DENND6A: variants seen among roughly 807,000 people sequenced by gnomAD.
DENND6A encodes protein DENND6A.
DENND6A carries 43 observed loss-of-function variants against 95.5 expected under a neutral mutation model. The observed-to-expected ratio is 0.45, with a 90% CI of 0.35 to 0.58. DENND6A has a LOEUF of 0.58. Among genes scored for constraint, DENND6A ranks in the 20% least tolerant of loss-of-function variants. DENND6A has a pLI of 0.00. For synonymous variants in DENND6A, 257 were observed against 260.4 expected (o/e 0.99, Z 0.13); for missense variants, 574 against 736.0 (o/e 0.78, Z 2.55).
At chr3:57,692,248 A>C (rs1264351842) in intron 1 of DENND6A, among the ~76,000 whole-genome samples, 1 of 151,692 alleles carries the variant, frequency 6.6e-6, no homozygotes, top group Non-Finnish European at 1.5e-5. Flanking sequence ...AAAAAAAAAA[A>C]AACAGAAATG....
chr3:57,671,263 G>A (rs779064534), intron 3 of DENND6A, among the ~76,000 whole-genome samples: 6 of 152,148 alleles, frequency 3.9e-5, no homozygotes, highest in African/African-American at 1.2e-4. Flanking sequence ...GGTGGCTCAC[G>A]CCTGTAATCC....
At position 57,662,185 on chromosome 3, in the gene DENND6A, C is replaced by CTTTTTTTTTTTTTT. The variant is rs60063768; in HGVS notation, c.514-648_514-635dup. ...TTTTTGTTTCTTTCTTTTCTTTTTT[C>CTTTTTTTTTTTTTT]TTTTTTTTTTTTTTTTTTTTTTTGA... is the stretch of plus-strand genomic sequence containing the variant. On this transcript the variant is annotated intron_variant, in intron 5 of 19. Coordinates refer to ENST00000311128, the MANE Select transcript of DENND6A (RefSeq NM_152678.3). 5.9e-3 allele frequency among the ~76,000 whole-genome samples: 469 copies of CTTTTTTTTTTTTTT among 79,126 alleles called. 5 individuals carry two copies. Among genetic ancestry groups the CTTTTTTTTTTTTTT allele is most frequent in the East Asian group, 8.4e-3 (19 of 2,254 alleles). The allele number at this position is 79,126 out of a possible 152,430, so 51.9% of individuals were successfully genotyped here. A position where few individuals can be genotyped will look rare whatever the true frequency, so the allele number is the denominator to read the frequency against.
intron 1 of DENND6A, among the ~76,000 whole-genome samples, chr3:57,691,928 T>A (rs373787697): frequency 1.3e-5 from 2 of 150,510 alleles, no homozygotes; most frequent in South Asian, 4.2e-4. Flanking sequence ...AGAGGCAACA[T>A]AAAAAAAAAT....
intron 1 of DENND6A, among the ~76,000 whole-genome samples, chr3:57,684,710 G>A (rs1653995218): frequency 6.6e-6 from 1 of 152,170 alleles, no homozygotes; most frequent in African/African-American, 2.4e-5. Flanking sequence ...TTGAGCCTGG[G>A]AGGTCCAGGC....
rs1414510479 is a variant in DENND6A, at chr3:57,678,456, G to A, written c.238-6018C>T. Among the ~76,000 whole-genome samples, 6 of 152,182 alleles carry A rather than the reference G, an allele frequency of 3.9e-5. No individual in the cohort carries two copies. In the South Asian group the frequency reaches 1.0e-3, roughly 26 times the overall value. On this transcript the variant is annotated intron_variant, in intron 1 of 19. Transcript: ENST00000311128. The stretch of plus-strand genomic sequence containing the variant: ...TAAGATTTTTTTTTCCAGGCAATTG[G>A]GGAGATAAGAAATACAGTTGGGGCT...
chr3:57,663,955 CTTAAAA>C (rs1388537884), intron 4 of DENND6A, among the ~76,000 whole-genome samples: 1 of 152,082 alleles, frequency 6.6e-6, no homozygotes, highest in East Asian at 1.9e-4. Flanking sequence ...TGTGTAAAAG[CTTAAAA>C]TTAAAACAAA....
rs989283546 is a variant in DENND6A, at chr3:57,628,208, C to G, written c.*6G>C. 4 of 1,609,184 alleles carry G rather than the reference C, an allele frequency of 2.5e-6. No individual in the cohort carries two copies. The highest frequency in any genetic ancestry group is 1.3e-5 in the African/African-American group (1 of 74,824). ...ATCCTTTTTGGCTGGAAAATCTTGG[C>G]AAATATCATGTCATGCCCGTTTTGA... On this transcript the variant is annotated 3_prime_UTR_variant, in exon 20 of 20. Coordinates refer to ENST00000311128, the MANE Select transcript of DENND6A (RefSeq NM_152678.3).
chr3:57,635,770 CT>C (rs1338981002), intron 12 of DENND6A, among the ~76,000 whole-genome samples: 1 of 152,088 alleles, frequency 6.6e-6, no homozygotes, highest in Non-Finnish European at 1.5e-5. Flanking sequence ...AAACTTTTTA[CT>C]TTGAAGTACA....
chr3:57,689,940 T>C (rs1385752702), intron 1 of DENND6A, among the ~76,000 whole-genome samples: 1 of 151,752 alleles, frequency 6.6e-6, no homozygotes, highest in Non-Finnish European at 1.5e-5. Flanking sequence ...GGTGCATGTC[T>C]GTATTCATAG....
chr3:57,669,395 A>G (rs1392443188), intron 3 of DENND6A, among the ~76,000 whole-genome samples: 1 of 152,138 alleles, frequency 6.6e-6, no homozygotes, highest in African/African-American at 2.4e-5. Flanking sequence ...TGTGCAGCAC[A>G]TAAAAAAAGC....
In DENND6A at chr3:57,692,806, G is replaced by C; in HGVS notation, c.213C>G (p.Asp71Glu). 1 of 1,560,646 alleles carries C rather than the reference G, an allele frequency of 6.4e-7. No homozygotes were observed. The highest frequency in any genetic ancestry group is 8.6e-7 in the Non-Finnish European group (1 of 1,157,888). ...CCTCCACGGCCTGGCCCAGCTCCAG[G>C]TCGAAGCCCACCACACACACGCAGT... is the stretch of plus-strand genomic sequence containing the variant. ...WLHCVCVVGFDLELGQAVEVI... is the reference protein window; with the variant it reads ...WLHCVCVVGFELELGQAVEVI... The change falls in exon 1 of 20, where the codon GAC becomes GAG. Residue 71 changes from aspartate (D) to glutamate (E), a missense_variant. Asp to Glu is a conservative substitution (Grantham distance 45). Around this residue, in one of 2 missense-constraint regions of DENND6A, gnomAD observed 122 missense variants for 105.1 expected, o/e 1.16. Transcript: ENST00000311128.
intron 15 of DENND6A, 46 bp from the exon 16 acceptor site, chr3:57,631,024 T>G (rs1400769600): frequency 6.3e-7 from 1 of 1,577,792 alleles, no homozygotes; most frequent in Non-Finnish European, 8.6e-7. Flanking sequence ...TTCAAAAATA[T>G]TTAAACAGAC....
At chr3:57,634,827 T>G (rs1372188406) in intron 12 of DENND6A, 58 bp from the exon 13 acceptor site, 2 of 1,359,154 alleles carry the variant, frequency 1.5e-6, no homozygotes, top group African/African-American at 3.0e-5. Context: ...ATTACAAAAT[T>G]GGAACTTTAT....
At chr3:57,660,649 A>G in intron 7 of DENND6A, 111 bp downstream of exon 7, 1 of 883,628 alleles carries the variant, frequency 1.1e-6, no homozygotes, top group Non-Finnish European at 1.6e-6. Flanking sequence ...TTGAGGCTGC[A>G]GTGAGCTGTG....
At chr3:57,632,001 C>T (rs2070691354) in intron 15 of DENND6A, among the ~76,000 whole-genome samples, 1 of 139,582 alleles carries the variant, frequency 7.2e-6, no homozygotes, top group South Asian at 2.3e-4. Context: ...GGATTACAGG[C>T]GTGAGCCACC....
intron 1 of DENND6A, among the ~76,000 whole-genome samples, chr3:57,674,188 C>T (rs187251192): frequency 2.6e-5 from 4 of 151,900 alleles, no homozygotes; most frequent in South Asian, 2.1e-4. Context: ...CGAGACCATA[C>T]GGTGAAACCC....
chr3:57,637,577 A>T (rs530812837), intron 12 of DENND6A, among the ~76,000 whole-genome samples: 54 of 152,130 alleles, frequency 3.5e-4, no homozygotes, highest in Non-Finnish European at 7.5e-4. Context: ...CAGGTTTCAA[A>T]GCCAGAATCC....
chr3:57,647,732 A>G (rs1232361079), intron 9 of DENND6A, among the ~76,000 whole-genome samples: 1 of 151,826 alleles, frequency 6.6e-6, no homozygotes, highest in Admixed American at 6.6e-5. Flanking sequence ...TAAGGAGAGC[A>G]CTCATGTGAG....
chr3:57,644,544 G>C (rs1247873676), intron 11 of DENND6A, among the ~76,000 whole-genome samples: 1 of 150,778 alleles, frequency 6.6e-6, no homozygotes, highest in Non-Finnish European at 1.5e-5. Context: ...CTGGACTTAA[G>C]TGATCTGCCC....
Sources: gnomAD v4.1 joint callset for allele counts (sites outside exome capture counted in the v4.1 genomes callset) on GRCh38, gnomAD v4.1.1 for gene constraint, gnomAD v4.1.1 regional missense constraint, MANE v1.5 for transcripts, NCBI Gene and HGNC (gene_info 2026-07-23, HGNC 2026-07-21) for gene names.